FAM199X: variants seen among roughly 807,000 people sequenced by gnomAD.
FAM199X encodes the protein protein FAM199X.
Under a neutral mutation model 22.9 loss-of-function variants are expected in FAM199X, and 4 were observed. That is an observed-to-expected ratio of 0.17 (90% CI 0.09 to 0.40). FAM199X has a LOEUF of 0.40. Ranked by LOEUF, FAM199X falls within the 10% of genes least tolerant of loss-of-function variation. The pLI is 1.00. For missense variants in FAM199X, 183 were observed against 306.8 expected (o/e 0.60, Z 3.01); for synonymous variants, 101 against 112.3 (o/e 0.90, Z 0.64).
upstream of FAM199X, among the ~76,000 whole-genome samples, chrX:104,161,913 G>C (rs1483956321): frequency 8.9e-6 from 1 of 111,841 alleles, no homozygotes; most frequent in Non-Finnish European, 1.9e-5. Context: ...CGTCCCCTTG[G>C]TTGGTATTTC....
At chrX:104,180,193 C>G (rs1005106098) in intron 2 of FAM199X, among the ~76,000 whole-genome samples, 1 of 107,203 alleles carries the variant, frequency 9.3e-6, no homozygotes, top group Non-Finnish European at 1.9e-5. Flanking sequence ...GCTGCCCAGG[C>G]TGGTCTTGAA....
intron 2 of FAM199X, among the ~76,000 whole-genome samples, chrX:104,184,428 C>T (rs1195378485): frequency 1.8e-5 from 2 of 111,734 alleles, no homozygotes; most frequent in African/African-American, 6.5e-5. Flanking sequence ...TCATTTGCTC[C>T]TTGTAGAAGA....
chrX:104,170,484 G>A (rs1383517010), intron 1 of FAM199X, among the ~76,000 whole-genome samples: 2 of 112,040 alleles, frequency 1.8e-5, no homozygotes, highest in East Asian at 2.8e-4. Context: ...AGGTTACAAA[G>A]GTTGAGAGAG....
At chrX:104,177,805 A>G (rs1396952118) in intron 2 of FAM199X, among the ~76,000 whole-genome samples, 3 of 112,066 alleles carry the variant, frequency 2.7e-5, no homozygotes, top group Non-Finnish European at 3.8e-5. Context: ...TTGCGTTGTA[A>G]GAGTTCTTTC....
the FAM199X span, among the ~76,000 whole-genome samples, chrX:104,157,398 T>G: frequency 9.0e-6 from 1 of 111,204 alleles, no homozygotes; most frequent in African/African-American, 3.3e-5. Context: ...TCTGACTCTT[T>G]AGCTGCATAT....
rs973227106 is a variant in FAM199X, at chrX:104,191,172, T to C, written c.*1394T>C. 1 of 111,783 alleles carries C rather than the reference T, an allele frequency of 8.9e-6. No individual in the cohort carries two copies. Among genetic ancestry groups the C allele is most frequent in the Admixed American group, 9.5e-5 (1 of 10,494 alleles). The allele number at this position is 111,783 out of a possible 1,213,427, so 9.2% of individuals were successfully genotyped here. On this transcript the variant is annotated 3_prime_UTR_variant, in exon 6 of 6. Coordinates refer to ENST00000493442, the MANE Select transcript of FAM199X (RefSeq NM_207318.4). ...GTACAGAGGTTAGTAAGATTTCTTT[T>C]TTTTTTACTTTTTGTTACGTCAAGT...
chrX:104,191,694 C>T lies in FAM199X; in HGVS notation c.*1916C>T, dbSNP rs1921944093. 1 of 111,931 alleles carries T rather than the reference C, an allele frequency of 8.9e-6. No individual in the cohort carries two copies. The highest frequency in any genetic ancestry group is 1.9e-5 in the Non-Finnish European group (1 of 53,048). 9.2% of individuals were successfully genotyped at this position (111,931 alleles called of 1,213,427 possible). On this transcript the variant is annotated 3_prime_UTR_variant, in exon 6 of 6. Transcript: ENST00000493442. ...TTGCCTGCTGTCTTTACCTATTCTT[C>T]AAGGAAAACAGGCCACTTTTGGAGA...
At chrX:104,181,283 T>C (rs1227988857) in intron 2 of FAM199X, among the ~76,000 whole-genome samples, 3 of 112,549 alleles carry the variant, frequency 2.7e-5, no homozygotes, top group African/African-American at 9.7e-5. Flanking sequence ...ATGAAAAATA[T>C]GGGCTGAGAG....
In FAM199X at chrX:104,166,511, T is replaced by A. The variant is rs192186041; in HGVS notation, c.-275T>A. ...GCCTGGCCGGGCCGGGCGGCGGCGC[T>A]GCGCTGACGGGCTGAGTCTGGCGGC... On this transcript the variant is annotated 5_prime_UTR_variant, in exon 1 of 6. Coordinates refer to ENST00000493442, the MANE Select transcript of FAM199X (RefSeq NM_207318.4). 5.3e-3 allele frequency: 1,054 copies of A among 200,506 alleles called. 30 individuals are homozygous for A. In the Admixed American group the frequency reaches 0.054, roughly 10 times the overall value. The allele number at this position is 200,506 out of a possible 1,213,427, so 16.5% of individuals were successfully genotyped here. A position where few individuals can be genotyped will look rare whatever the true frequency, so the allele number is the denominator to read the frequency against.
chrX:104,167,029 G>GC (rs782531481), intron 1 of FAM199X, 47 bp downstream of exon 1: 1 of 1,048,672 alleles, frequency 9.5e-7, no homozygotes, highest in Non-Finnish European at 1.3e-6. Context: ...ACTTCTGGTC[G>GC]CCCCCCGCTC....
At chrX:104,189,473 G>A (rs1184713927) in intron 5 of FAM199X, 135 bp from the exon 6 acceptor site, 9 of 628,181 alleles carry the variant, frequency 1.4e-5, no homozygotes, top group Non-Finnish European at 2.3e-5. Flanking sequence ...CTCACTTATT[G>A]GAACAAGGAT....
intron 2 of FAM199X, among the ~76,000 whole-genome samples, chrX:104,179,744 C>T (rs1921594821): frequency 9.0e-6 from 1 of 110,556 alleles, no homozygotes; most frequent in South Asian, 3.9e-4. Context: ...GTTCAGTCTG[C>T]TTCTCGATGT....
At chrX:104,179,118 A>G (rs1921572567) in intron 2 of FAM199X, among the ~76,000 whole-genome samples, 1 of 111,803 alleles carries the variant, frequency 8.9e-6, no homozygotes, top group Non-Finnish European at 1.9e-5. Flanking sequence ...CAACAGAGCT[A>G]TTTGGGGTCC....
Position 104,187,097 on chromosome X carries a change from T to A in FAM199X, c.729+476T>A, listed in dbSNP as rs782338744. Among the ~76,000 whole-genome samples, 545 of 105,902 alleles carry A rather than the reference T, an allele frequency of 5.1e-3. 4 individuals are homozygous for A. The highest frequency in any genetic ancestry group is 8.7e-3 in the Non-Finnish European group (453 of 52,282). 92.0% of individuals were successfully genotyped at this position (105,902 alleles called of 115,157 possible). ...CATCTCTGGTACTCTGGTATCATCTTCTTTTTTTTTTTTTTTGAGACAGAG... is the reference window on the plus strand; with the variant it reads ...CATCTCTGGTACTCTGGTATCATCTACTTTTTTTTTTTTTTTGAGACAGAG... On this transcript the variant is annotated intron_variant, in intron 4 of 5. Transcript: ENST00000493442.
rs782491429 is a variant in FAM199X, at chrX:104,166,807, A to G, written c.22A>G (p.Ile8Val). 1 of 1,204,421 alleles carries G rather than the reference A, an allele frequency of 8.3e-7. No individual in the cohort carries two copies. The highest frequency in any genetic ancestry group is 2.8e-4 in the Middle Eastern group (1 of 3,593). ...AACCATGTCCGACGAGGCCTCGGCC[A>G]TCACTTCCTACGAGAAGTTTCTAAC... Reference protein sequence around the residue: MSDEASAITSYEKFLTPE... With the variant: MSDEASAVTSYEKFLTPE... Residue 8 changes from isoleucine to valine, a missense_variant, in exon 1 of 6, where the codon ATC becomes GTC. Physicochemically the swap from Ile to Val is conservative, Grantham distance 29. Around this residue, in one of 2 missense-constraint regions of FAM199X, gnomAD observed 55 missense variants for 60.6 expected, o/e 0.91. Coordinates refer to ENST00000493442, the MANE Select transcript of FAM199X (RefSeq NM_207318.4).
At chrX:104,185,863 C>A (rs1249206152) in intron 2 of FAM199X, among the ~76,000 whole-genome samples, 5 of 111,996 alleles carry the variant, frequency 4.5e-5, no homozygotes, top group African/African-American at 1.6e-4. Context: ...CCTTGGCCTC[C>A]CGAAGTGCTG....
Position 104,166,493 on chromosome X carries a change from C to T in FAM199X, c.-293C>T, listed in dbSNP as rs1435506477. ...GCGCAGTGGGCGGGGCGGGCCTGGC[C>T]GGGCCGGGCGGCGGCGCTGCGCTGA... On this transcript the variant is annotated 5_prime_UTR_variant, in exon 1 of 6. Transcript: ENST00000493442. 2 of 172,891 alleles carry T rather than the reference C, an allele frequency of 1.2e-5. No homozygotes were observed. The highest frequency in any genetic ancestry group is 3.0e-5 in the African/African-American group (1 of 32,890). 14.2% of individuals were successfully genotyped at this position (172,891 alleles called of 1,213,427 possible).
chrX:104,163,369 G>C (rs1921084703), upstream of FAM199X, among the ~76,000 whole-genome samples: 1 of 111,754 alleles, frequency 8.9e-6, no homozygotes, highest in African/African-American at 3.3e-5. Context: ...GATCTTCAGA[G>C]AAAATAAGGA....
chrX:104,164,219 C>T (rs919725695), upstream of FAM199X, among the ~76,000 whole-genome samples: 17 of 112,067 alleles, frequency 1.5e-4, no homozygotes, highest in African/African-American at 5.5e-4. Flanking sequence ...AGCATATGCT[C>T]TTGGCCTTCG....
Sources: gnomAD v4.1 joint callset for allele counts (sites outside exome capture counted in the v4.1 genomes callset) on GRCh38, gnomAD v4.1.1 for gene constraint, gnomAD v4.1.1 regional missense constraint, MANE v1.5 for transcripts, NCBI Gene and HGNC (gene_info 2026-07-23, HGNC 2026-07-21) for gene names.